SCN1A: variants seen among roughly 807,000 people sequenced by gnomAD.
SCN1A encodes sodium voltage-gated channel alpha subunit 1, also known as sodium channel protein type 1 subunit alpha.
SCN1A carries 13 observed loss-of-function variants against 193.7 expected under a neutral mutation model. The ratio of observed to expected loss-of-function variants is 0.07; its 90% CI spans 0.04 to 0.11. The LOEUF (loss-of-function observed/expected upper bound fraction) is 0.11, where lower values mean the gene tolerates loss of function less well. Ranked by LOEUF, SCN1A falls within the 10% of genes least tolerant of loss-of-function variation. The pLI is 1.00. For missense variants in SCN1A, 1,432 were observed against 2,451.1 expected (o/e 0.58, Z 8.78); for synonymous variants, 781 against 843.6 (o/e 0.93, Z 1.29).
chr2:166,124,650 A>G (rs1168420774), intron 2 of SCN1A, among the ~76,000 whole-genome samples: 2 of 152,204 alleles, frequency 1.3e-5, no homozygotes, highest in East Asian at 3.9e-4. Flanking sequence ...CAGATGAATT[A>G]CAGCTCACAT....
At position 165,994,339 on chromosome 2, in the gene SCN1A, A is replaced by C. The variant is rs764244249; in HGVS notation, c.4659T>G (p.Leu1553=). The change falls in exon 28 of 29, where the codon CTT becomes CTG. Residue 1553 remains leucine, a synonymous_variant. Coordinates refer to ENST00000674923, the MANE Select transcript of SCN1A (RefSeq NM_001165963.4). ...FDISIMILIC[L]NMVTMMVETD... ...TTTCCACCATCATTGTGACCATGTT[A>C]AGACAGATGAGAATCATGATGCTTA... 3.1e-6 allele frequency: 5 copies of C among 1,613,136 alleles called. No homozygotes were observed. In the South Asian group the frequency reaches 4.4e-5, roughly 14 times the overall value.
intron 2 of SCN1A, among the ~76,000 whole-genome samples, chr2:166,079,925 T>C (rs1685331332): frequency 6.6e-6 from 1 of 151,424 alleles, no homozygotes; most frequent in Non-Finnish European, 1.5e-5. Context: ...ATTCAAATGC[T>C]ACCTAAAAAT....
In SCN1A at chr2:166,145,142, A is replaced by ATT. The variant is rs10527781; in HGVS notation, c.-50+3903_-50+3904dup. On this transcript the variant is annotated intron_variant, in intron 1 of 26. Coordinates refer to the SCN1A transcript ENST00000635750. ...TGAGCCACTGCACCTGGCCTAAGTA[A>ATT]TTTTTTTTTTTTTTTTTTTTTTTTT... Among the ~76,000 whole-genome samples the ATT allele has an allele frequency of 2.0e-4, 26 of 129,040 alleles. 1 individual carries two copies. The highest frequency in any genetic ancestry group is 3.6e-4 in the Non-Finnish European group (22 of 60,312). The allele number at this position is 129,040 out of a possible 152,430, so 84.7% of individuals were successfully genotyped here. A position where few individuals can be genotyped will look rare whatever the true frequency, so the allele number is the denominator to read the frequency against.
At chr2:166,045,000 T>G in intron 13 of SCN1A, 43 bp downstream of exon 13, 2 of 1,606,376 alleles carry the variant, frequency 1.2e-6, no homozygotes, top group Non-Finnish European at 1.7e-6. Flanking sequence ...TCTCCCATGT[T>G]TTAATTTTCA....
At chr2:166,119,194 A>AC (rs1690257675) in intron 2 of SCN1A, among the ~76,000 whole-genome samples, 2 of 151,958 alleles carry the variant, frequency 1.3e-5, no homozygotes, top group African/African-American at 2.4e-5. Flanking sequence ...GGGTTTGGGG[A>AC]CCCTTAATCT....
At position 165,987,360 on chromosome 2, in the gene SCN1A, A is replaced by G. The variant is rs551409301; in HGVS notation, c.*3885T>C. On this transcript the variant is annotated 3_prime_UTR_variant, in exon 29 of 29. Coordinates refer to ENST00000674923, the MANE Select transcript of SCN1A (RefSeq NM_001165963.4). ...TCTGTTTAAATTTTCTACTTAATAG[A>G]GAAGAGATACTTTAAGATGCTATAA... 4 of 152,276 alleles carry G rather than the reference A, an allele frequency of 2.6e-5. No individual in the cohort carries two copies. The East Asian group carries it at 7.7e-4, about 29-fold the overall frequency. The allele number at this position is 152,276 out of a possible 1,614,324, so 9.4% of individuals were successfully genotyped here.
chr2:166,000,174 T>G (rs1690632076), intron 24 of SCN1A: 1 of 223,270 alleles, frequency 4.5e-6, no homozygotes, highest in African/African-American at 2.3e-5. Context: ...CTGCTAAAAT[T>G]TATCTGCAGG....
chr2:166,053,676 T>C (rs995206408), intron 7 of SCN1A, among the ~76,000 whole-genome samples: 3 of 151,916 alleles, frequency 2.0e-5, no homozygotes, highest in African/African-American at 7.2e-5. Flanking sequence ...CCTGATCAGA[T>C]AGGAAATTAA....
chr2:166,128,869 T>C (rs987060141), upstream of SCN1A, among the ~76,000 whole-genome samples: 4 of 152,172 alleles, frequency 2.6e-5, no homozygotes, highest in African/African-American at 7.2e-5. Context: ...GCCAAACTAA[T>C]TATAACTCTT....
intron 19 of SCN1A, among the ~76,000 whole-genome samples, chr2:166,035,034 AG>A (rs1008112842): frequency 2.3e-4 from 35 of 152,318 alleles, no homozygotes; most frequent in African/African-American, 8.2e-4. Flanking sequence ...CAGTCCAAAC[AG>A]GCTAATGCAT....
At chr2:166,063,132 CAAAA>C (rs1008830127) in intron 4 of SCN1A, among the ~76,000 whole-genome samples, 21 of 152,020 alleles carry the variant, frequency 1.4e-4, no homozygotes, top group Admixed American at 1.2e-3. Flanking sequence ...ATTTTAGTGC[CAAAA>C]CAAATGCTTT....
intron 21 of SCN1A, among the ~76,000 whole-genome samples, chr2:166,012,724 T>C (rs1692691326): frequency 6.7e-6 from 1 of 148,668 alleles, no homozygotes; most frequent in South Asian, 2.2e-4. Context: ...CCAATTTGAC[T>C]AAATAGTTGG....
chr2:166,095,921 C>A (rs1200136640), intron 2 of SCN1A, among the ~76,000 whole-genome samples: 1 of 152,082 alleles, frequency 6.6e-6, no homozygotes, highest in Non-Finnish European at 1.5e-5. Context: ...ATAAAATCAT[C>A]ATTACTTACC....
intron 1 of SCN1A, among the ~76,000 whole-genome samples, chr2:166,136,365 C>T (rs191587173): frequency 1.1e-3 from 171 of 152,132 alleles, no homozygotes; most frequent in African/African-American, 3.9e-3. Flanking sequence ...TGAAACTCAG[C>T]GATCATTTGC....
At position 166,093,783 on chromosome 2, in the gene SCN1A, A is replaced by C. The variant is rs1250232202; in HGVS notation, c.-141-15982T>G. ...CTTAACTTTTGTTTTAAAACAAAAGAAAAAAATGGAGGTTCAGCAAAGTTA... is the reference window on the plus strand; with the variant it reads ...CTTAACTTTTGTTTTAAAACAAAAGCAAAAAATGGAGGTTCAGCAAAGTTA... On this transcript the variant is annotated intron_variant, in intron 2 of 28. Coordinates refer to ENST00000674923, the MANE Select transcript of SCN1A (RefSeq NM_001165963.4). 2.0e-5 allele frequency among the ~76,000 whole-genome samples: 3 copies of C among 152,228 alleles called. 1 individual carries two copies. Among genetic ancestry groups the C allele is most frequent in the African/African-American group, 4.8e-5 (2 of 41,460 alleles).
intron 2 of SCN1A, among the ~76,000 whole-genome samples, chr2:166,119,054 A>G (rs1351680383): frequency 6.6e-6 from 1 of 152,076 alleles, no homozygotes; most frequent in East Asian, 1.9e-4. Flanking sequence ...TGCTCCTATG[A>G]GAATCTAATG....
At chr2:166,043,139 A>T (rs1445545696) in intron 14 of SCN1A, among the ~76,000 whole-genome samples, 1 of 152,196 alleles carries the variant, frequency 6.6e-6, no homozygotes, top group Non-Finnish European at 1.5e-5. Flanking sequence ...TGTATTAATA[A>T]TGTATTTGTG....
At chr2:166,071,214 CT>C (rs1375713494) in intron 4 of SCN1A, among the ~76,000 whole-genome samples, 9 of 152,286 alleles carry the variant, frequency 5.9e-5, no homozygotes, top group Admixed American at 1.3e-4. Context: ...TGCATTTTTA[CT>C]TTTCTTATAC....
At chr2:166,117,401 C>T (rs527706573) in intron 2 of SCN1A, among the ~76,000 whole-genome samples, 2 of 152,202 alleles carry the variant, frequency 1.3e-5, no homozygotes, top group African/African-American at 4.8e-5. Flanking sequence ...TCTAGTGTTT[C>T]GTCAAAGACA....
Sources: allele counts gnomAD v4.1 joint callset (sites outside exome capture counted in the v4.1 genomes callset), GRCh38; gene constraint gnomAD v4.1.1; transcripts MANE v1.5; gene names NCBI Gene and HGNC (gene_info 2026-07-23, HGNC 2026-07-21).